The following MGAT4C variants were observed in gnomAD, a reference collection of about 807,000 sequenced individuals.
The protein encoded by MGAT4C is MGAT4 family member C.
MGAT4C carries 19 observed loss-of-function variants against 40.1 expected under a neutral mutation model. The observed-to-expected ratio is 0.47, with a 90% CI of 0.33 to 0.70. The LOEUF is 0.70. Ranked by LOEUF, MGAT4C falls within the 30% of genes least tolerant of loss-of-function variation. The probability of loss-of-function intolerance (pLI) is 0.02; values close to 1 mark genes in which losing one functional copy is unlikely to be tolerated. For synonymous variants in MGAT4C, 181 were observed against 187.1 expected, an observed-to-expected ratio of 0.97 and a Z score of 0.27; for missense variants, 491 against 563.2, an observed-to-expected ratio of 0.87 and a Z score of 1.30.
intron 1 of MGAT4C, among the ~76,000 whole-genome samples, chr12:86,176,938 C>T (rs1489136143): frequency 6.6e-6 from 1 of 150,720 alleles, no homozygotes; most frequent in Non-Finnish European, 1.5e-5. Context: ...TACTATGTAG[C>T]AAGCACCATT....
chr12:86,018,664 T>C (rs1889341571), intron 2 of MGAT4C, among the ~76,000 whole-genome samples: 1 of 152,162 alleles, frequency 6.6e-6, no homozygotes, highest in South Asian at 2.1e-4. Context: ...AGAGCACATG[T>C]AATTGTTTTG....
At chr12:86,042,630 T>G (rs1891970213) in intron 2 of MGAT4C, among the ~76,000 whole-genome samples, 1 of 151,992 alleles carries the variant, frequency 6.6e-6, no homozygotes, top group Non-Finnish European at 1.5e-5. Context: ...GAATGGGAGT[T>G]CGAGGTGGGC....
intron 1 of MGAT4C, among the ~76,000 whole-genome samples, chr12:86,759,073 T>G (rs941618934): frequency 1.3e-5 from 2 of 152,050 alleles, no homozygotes; most frequent in Non-Finnish European, 2.9e-5. Context: ...TGGTAACCAC[T>G]GTTATTTTGC....
intron 4 of MGAT4C, among the ~76,000 whole-genome samples, chr12:86,267,536 T>A (rs1357708192): frequency 6.6e-6 from 1 of 152,162 alleles, no homozygotes; most frequent in African/African-American, 2.4e-5. Flanking sequence ...TTAAATAAAA[T>A]TTTAGATTTA....
intron 2 of MGAT4C, among the ~76,000 whole-genome samples, chr12:86,676,045 G>A (rs1410102360): frequency 6.6e-6 from 1 of 151,566 alleles, no homozygotes; most frequent in Non-Finnish European, 1.5e-5. Flanking sequence ...ACAGACAGTT[G>A]TAACCCATAT....
chr12:86,367,450 C>T (rs910061532), intron 3 of MGAT4C, among the ~76,000 whole-genome samples: 6 of 152,120 alleles, frequency 3.9e-5, no homozygotes, highest in African/African-American at 1.2e-4. Flanking sequence ...GCACAACAAA[C>T]AGAAACAGAA....
At chr12:86,691,223 A>G (rs1185794850) in intron 2 of MGAT4C, among the ~76,000 whole-genome samples, 1 of 152,236 alleles carries the variant, frequency 6.6e-6, no homozygotes, top group Non-Finnish European at 1.5e-5. Context: ...TTGATAAAAT[A>G]ATGTATGTTT....
At chr12:86,160,130 A>G (rs1353161982) in intron 1 of MGAT4C, among the ~76,000 whole-genome samples, 2 of 152,008 alleles carry the variant, frequency 1.3e-5, no homozygotes, top group African/African-American at 2.4e-5. Context: ...GTACAAAGTT[A>G]CATTGCTAAT....
intron 1 of MGAT4C, among the ~76,000 whole-genome samples, chr12:86,829,676 T>C (rs531454854): frequency 5.3e-5 from 8 of 151,428 alleles, no homozygotes; most frequent in African/African-American, 1.7e-4. Context: ...ACATTAATAA[T>C]GTTTTGGAGG....
At chr12:86,351,476 A>C (rs1955160896) in intron 3 of MGAT4C, among the ~76,000 whole-genome samples, 1 of 152,046 alleles carries the variant, frequency 6.6e-6, no homozygotes, top group Admixed American at 6.6e-5. Context: ...ATAACAAAAT[A>C]AATGGAAATC....
chr12:86,602,131 G>T (rs1270162779), intron 2 of MGAT4C, among the ~76,000 whole-genome samples: 2 of 152,158 alleles, frequency 1.3e-5, no homozygotes, highest in Non-Finnish European at 2.9e-5. Flanking sequence ...GGCCAGACCC[G>T]TGTTCATTTT....
rs374719661 is a variant in MGAT4C at position 86,351,339 on chromosome 12, G to T, written c.-119-17212C>A. On this transcript the variant is annotated intron_variant, in intron 3 of 7. Coordinates refer to the MGAT4C transcript ENST00000548651. ...AAAAATAAGTAGAGATGGTAGTAGA[G>T]ATATACATATATTTTGTCAAATATT... Among the ~76,000 whole-genome samples, 34 of 152,078 alleles carry T rather than the reference G, an allele frequency of 2.2e-4. No individual in the cohort carries two copies. The East Asian group carries it at 2.9e-3, about 13-fold the overall frequency.
intron 4 of MGAT4C, among the ~76,000 whole-genome samples, chr12:86,302,955 G>C (rs561028113): frequency 1.3e-5 from 2 of 150,760 alleles, no homozygotes; most frequent in South Asian, 4.2e-4. Flanking sequence ...TTGAGGAAAG[G>C]AATTCAGGGT....
In MGAT4C at chr12:86,503,801, T is replaced by TATATATATAA. The variant is rs1358058291; in HGVS notation, c.-228-68537_-228-68536insTTATATATAT. On this transcript the variant is annotated intron_variant, in intron 2 of 7. Coordinates refer to the MGAT4C transcript ENST00000548651. ...AGAGTTCTGCTCATATATATATATA[T>TATATATATAA]ATATATATATATGAGTTCTGCTCAA... Among the ~76,000 whole-genome samples the TATATATATAA allele has an allele frequency of 2.4e-5, 3 of 124,374 alleles. 1 individual carries two copies. Among genetic ancestry groups the TATATATATAA allele is most frequent in the Non-Finnish European group, 5.2e-5 (3 of 58,224 alleles). The allele number at this position is 124,374 out of a possible 152,430, so 81.6% of individuals were successfully genotyped here.
chr12:86,081,350 C>T (rs1187156783), intron 1 of MGAT4C, among the ~76,000 whole-genome samples: 1 of 152,084 alleles, frequency 6.6e-6, no homozygotes, highest in African/African-American at 2.4e-5. Flanking sequence ...GACTCTAATT[C>T]GGGAGTCTGT....
intron 4 of MGAT4C, among the ~76,000 whole-genome samples, chr12:86,325,881 A>T (rs1277168536): frequency 2.4e-5 from 2 of 84,798 alleles, no homozygotes; most frequent in East Asian, 7.2e-4. Context: ...TGTCTCCAAA[A>T]AGAAAAAAAA....
chr12:86,386,264 T>G (rs1265069191), intron 3 of MGAT4C, among the ~76,000 whole-genome samples: 1 of 152,144 alleles, frequency 6.6e-6, no homozygotes. Context: ...CTGTGATAGT[T>G]CCAGGGAATG....
rs535477855 is a variant in MGAT4C at position 86,446,115 on chromosome 12, T to C, written c.-228-10850A>G. Among the ~76,000 whole-genome samples the C allele has an allele frequency of 6.6e-5, 10 of 152,230 alleles. 1 individual carries two copies. The South Asian group carries it at 1.9e-3, about 28-fold the overall frequency. On this transcript the variant is annotated intron_variant, in intron 2 of 7. Transcript: ENST00000548651. ...CACATATAGCTACACATAAAGTATA[T>C]CACAAAAATATAGAATAAAATTTAT...
chr12:86,804,109 C>A (rs1197183546), intron 1 of MGAT4C, among the ~76,000 whole-genome samples: 1 of 151,148 alleles, frequency 6.6e-6, no homozygotes, highest in Non-Finnish European at 1.5e-5. Flanking sequence ...AGTTCACGTC[C>A]TTTGTAGGGA....
Sources: gnomAD v4.1 joint callset for allele counts (sites outside exome capture counted in the v4.1 genomes callset) on GRCh38, gnomAD v4.1.1 for gene constraint, MANE v1.5 for transcripts, NCBI Gene and HGNC (gene_info 2026-07-23, HGNC 2026-07-21) for gene names.